The following GCNT4 variants were observed in gnomAD, a reference collection of about 807,000 sequenced individuals.
GCNT4 encodes the protein beta-1,3-galactosyl-O-glycosyl-glycoprotein beta-1,6-N-acetylglucosaminyltransferase 4.
In GCNT4, 17 loss-of-function variants were observed where a neutral mutation model predicts 31.3. The ratio of observed to expected loss-of-function variants is 0.54; its 90% confidence interval spans 0.37 to 0.81. The LOEUF is 0.81. Among genes scored for constraint, GCNT4 ranks in the 40% least tolerant of loss-of-function variants. The pLI is 0.00. For synonymous variants in GCNT4, 158 were observed against 190.6 expected (o/e 0.83, Z 1.41); for missense variants, 503 against 525.5 (o/e 0.96, Z 0.42).
the GCNT4 span, among the ~76,000 whole-genome samples, chr5:75,020,277 G>A: frequency 1.3e-5 from 2 of 152,148 alleles, no homozygotes. Context: ...GGCATGGCAC[G>A]GCACGGCATG....
At chr5:75,021,531 C>T (rs1474483874), downstream of GCNT4, among the ~76,000 whole-genome samples, 3 of 152,198 alleles carry the variant, frequency 2.0e-5, no homozygotes, top group East Asian at 5.8e-4. Flanking sequence ...TAGACAGAAA[C>T]ACTAGCCACC....
intron 3 of GCNT4, among the ~76,000 whole-genome samples, chr5:75,037,743 T>C (rs902574252): frequency 6.6e-6 from 1 of 151,918 alleles, no homozygotes; most frequent in Non-Finnish European, 1.5e-5. Flanking sequence ...CCGGGCATGG[T>C]GGCACACACC....
At chr5:75,039,535 T>C (rs1290324961) in intron 3 of GCNT4, among the ~76,000 whole-genome samples, 2 of 152,238 alleles carry the variant, frequency 1.3e-5, no homozygotes, top group African/African-American at 2.4e-5. Context: ...TTAGTTCATA[T>C]AGCTAGTATA....
At chr5:75,053,869 A>G (rs1743649380), upstream of GCNT4, among the ~76,000 whole-genome samples, 1 of 152,168 alleles carries the variant, frequency 6.6e-6, no homozygotes, top group African/African-American at 2.4e-5. Context: ...TCCCTCCCAC[A>G]TTAGACAAGA....
upstream of GCNT4, among the ~76,000 whole-genome samples, chr5:75,053,940 C>CA (rs1175504803): frequency 6.6e-6 from 1 of 152,154 alleles, no homozygotes; most frequent in Non-Finnish European, 1.5e-5. Flanking sequence ...AGTGACGAAG[C>CA]AAACTCACAT....
chr5:75,052,576 ACCTTAAAAAGC>A (rs1743599332), upstream of GCNT4: 1 of 152,110 alleles, frequency 6.6e-6, no homozygotes, highest in South Asian at 2.1e-4. Flanking sequence ...AAAAAACTTG[ACCTTAAAAAGC>A]CCAGAAACTG....
At position 75,027,004 on chromosome 5, in the gene GCNT4, CACAG is replaced by C. The variant is rs1742959403; in HGVS notation, c.*1668_*1671del. ...AGCAAAGTGCATTTCACATTTAGAA[CACAG>C]ACATTTAAAAAATATGTAATACTTA... On this transcript the variant is annotated 3_prime_UTR_variant, in exon 4 of 4. Coordinates refer to ENST00000652361, the MANE Select transcript of GCNT4 (RefSeq NM_001366737.1). 6.6e-6 allele frequency: 1 copy of C among 151,910 alleles called. No individual in the cohort carries two copies. Among genetic ancestry groups the C allele is most frequent in the African/African-American group, 2.4e-5 (1 of 41,378 alleles). The allele number at this position is 151,910 out of a possible 1,614,324, so 9.4% of individuals were successfully genotyped here.
intron 2 of GCNT4, among the ~76,000 whole-genome samples, chr5:75,051,227 G>A (rs1321694059): frequency 6.6e-6 from 1 of 152,132 alleles, no homozygotes; most frequent in Non-Finnish European, 1.5e-5. Context: ...CCCACCTTCA[G>A]TCTCCCCAGC....
At position 75,026,211 on chromosome 5, in the gene GCNT4, T is replaced by C. The variant is rs933509356; in HGVS notation, c.*2465A>G. The stretch of plus-strand genomic sequence containing the variant: ...TCCCAATAAACAGGGGATAGAATCA[T>C]TTCTCACCAGGAGGCAAGACAGTGG... On this transcript the variant is annotated 3_prime_UTR_variant, in exon 4 of 4. Coordinates refer to ENST00000652361, the MANE Select transcript of GCNT4 (RefSeq NM_001366737.1). 6.6e-6 allele frequency: 1 copy of C among 152,198 alleles called. No individual in the cohort carries two copies. Among genetic ancestry groups the C allele is most frequent in the East Asian group, 1.9e-4 (1 of 5,202 alleles). 9.4% of individuals were successfully genotyped at this position (152,198 alleles called of 1,614,324 possible).
In GCNT4 at chr5:75,028,676, T is replaced by C. The variant is rs1048768155; in HGVS notation, c.1362A>G (p.Ter454TrpextTer1). 4 of 1,607,326 alleles carry C rather than the reference T, an allele frequency of 2.5e-6. No homozygotes were observed. The highest frequency in any genetic ancestry group is 1.3e-5 in the African/African-American group (1 of 74,566). ...TCTTATTTCCATCCTGATTTTACTA[T>C]CATGATGTGGTAGTGAGATTTCTAT... Reference protein sequence around the residue: ...FMDRNLTTTS* With the variant: ...FMDRNLTTTSW Residue 454 changes from the stop codon to tryptophan (W), a stop_lost, in exon 4 of 4, where the codon TGA (stop) becomes TGG (tryptophan). Coordinates refer to ENST00000652361, the MANE Select transcript of GCNT4 (RefSeq NM_001366737.1).
rs1415022882 is a variant in GCNT4, at chr5:75,025,879, G to T, written c.*2797C>A. The T allele has an allele frequency of 6.6e-6, 1 of 152,114 alleles. No individual in the cohort carries two copies. Among genetic ancestry groups the T allele is most frequent in the African/African-American group, 2.4e-5 (1 of 41,424 alleles). The allele number at this position is 152,114 out of a possible 1,614,324, so 9.4% of individuals were successfully genotyped here. On this transcript the variant is annotated 3_prime_UTR_variant, in exon 4 of 4. Coordinates refer to ENST00000652361, the MANE Select transcript of GCNT4 (RefSeq NM_001366737.1). ...TTTAGAAACTCTAAGGTTCTGGTCT[G>T]ATCTCTGAATAACTTAAAGTCTAGA...
chr5:75,029,686 C>T lies in GCNT4; in HGVS notation c.352G>A (p.Gly118Ser). The T allele has an allele frequency of 1.2e-6, 2 of 1,614,112 alleles. No homozygotes were observed. Among genetic ancestry groups the T allele is most frequent in the Non-Finnish European group, 8.5e-7 (1 of 1,180,024 alleles). Residue 118 changes from glycine to serine, a missense_variant, in exon 4 of 4, where the codon GGT becomes AGT. Gly to Ser is a moderately conservative substitution (Grantham distance 56). Coordinates refer to ENST00000652361, the MANE Select transcript of GCNT4 (RefSeq NM_001366737.1). ...SDCDIYQTLR[G>S]YAQKLVSKEE... ...TTTGAGACAAGCTTTTGAGCATAACCTCTTAGAGTCTGATAAATGTCACAA... is the reference window on the plus strand; with the variant it reads ...TTTGAGACAAGCTTTTGAGCATAACTTCTTAGAGTCTGATAAATGTCACAA...
At chr5:75,030,843 T>C (rs1379338775) in intron 3 of GCNT4, 1 of 167,004 alleles carries the variant, frequency 6.0e-6, no homozygotes, top group Non-Finnish European at 1.5e-5. Context: ...TTCCCTACAG[T>C]GTTTTGTATT....
chr5:75,034,559 G>A (rs1481921282), intron 3 of GCNT4, among the ~76,000 whole-genome samples: 1 of 152,192 alleles, frequency 6.6e-6, no homozygotes, highest in Non-Finnish European at 1.5e-5. Context: ...TTGCTGCCAG[G>A]AAGTGGTCTT....
At chr5:75,043,998 ACT>A (rs1222612927) in intron 3 of GCNT4, among the ~76,000 whole-genome samples, 1 of 152,148 alleles carries the variant, frequency 6.6e-6, no homozygotes, top group Admixed American at 6.5e-5. Context: ...TACCAAATTA[ACT>A]CTGATGTTGG....
intron 3 of GCNT4, among the ~76,000 whole-genome samples, chr5:75,039,133 G>A (rs1465326079): frequency 6.6e-6 from 1 of 151,858 alleles, no homozygotes; most frequent in East Asian, 1.9e-4. Context: ...CACCCACGCT[G>A]GAGTGCAATG....
intron 3 of GCNT4, among the ~76,000 whole-genome samples, chr5:75,040,851 G>A (rs980826792): frequency 2.0e-5 from 3 of 152,090 alleles, no homozygotes; most frequent in African/African-American, 7.2e-5. Flanking sequence ...GTTAATATCT[G>A]GAGTATAAAT....
intron 3 of GCNT4, among the ~76,000 whole-genome samples, chr5:75,033,744 G>A (rs1287445325): frequency 2.0e-5 from 3 of 151,134 alleles, no homozygotes; most frequent in East Asian, 1.9e-4. Flanking sequence ...AGGTATACAC[G>A]TGCCATGGTG....
the GCNT4 span, among the ~76,000 whole-genome samples, chr5:75,018,367 C>T: frequency 4.6e-5 from 7 of 152,044 alleles, no homozygotes; most frequent in Admixed American, 6.6e-5. Context: ...CTGCAACTTC[C>T]GCCTCGTGGG....
Sources: allele counts gnomAD v4.1 joint callset (sites outside exome capture counted in the v4.1 genomes callset), GRCh38; gene constraint gnomAD v4.1.1; transcripts MANE v1.5; gene names NCBI Gene and HGNC (gene_info 2026-07-23, HGNC 2026-07-21).